MS4A2: variants seen among roughly 807,000 people sequenced by gnomAD.
The protein encoded by MS4A2 is high affinity immunoglobulin epsilon receptor subunit beta.
Under a neutral mutation model 27.9 loss-of-function variants are expected in MS4A2, and 26 were observed. That is an observed-to-expected ratio of 0.93 (90% confidence interval 0.68 to 1.29). The LOEUF (loss-of-function observed/expected upper bound fraction) is 1.29. Ranked by LOEUF, MS4A2 falls within the 50% of genes most tolerant of loss-of-function variation. The pLI, the probability that MS4A2 is intolerant of heterozygous loss-of-function variation, is 0.00. For synonymous variants in MS4A2, 110 were observed against 98.8 expected (o/e 1.11, Z -0.67); for missense variants, 284 against 284.6 (o/e 1.00, Z 0.01).
intron 3 of MS4A2, among the ~76,000 whole-genome samples, chr11:60,092,353 T>C (rs1246195018): frequency 6.6e-6 from 1 of 151,054 alleles, no homozygotes; most frequent in Admixed American, 6.6e-5. Context: ...TGGAGTGCAA[T>C]GGCATGATCT....
chr11:60,091,414 T>C (rs760067676), intron 3 of MS4A2, among the ~76,000 whole-genome samples: 3 of 152,216 alleles, frequency 2.0e-5, no homozygotes, highest in Non-Finnish European at 4.4e-5. Flanking sequence ...GATGTACAAT[T>C]TGCTAACCTT....
At position 60,089,702 on chromosome 11, in the gene MS4A2, T is replaced by C. The variant is rs144184074; in HGVS notation, c.67T>C (p.Phe23Leu). The C allele has an allele frequency of 6.4e-5, 103 of 1,614,186 alleles. No individual in the cohort carries two copies. In the African/African-American group the frequency reaches 1.2e-3, roughly 18 times the overall value. Residue 23 changes from phenylalanine (F) to leucine (L), a missense_variant, in exon 2 of 7, where the codon TTT (phenylalanine) becomes CTT (leucine). Physicochemically the swap from Phe to Leu is conservative, Grantham distance 22. Coordinates refer to ENST00000278888, the MANE Select transcript of MS4A2 (RefSeq NM_000139.5). ...LPQEPSSVPAFEVLEISPQEV... is the reference protein window; with the variant it reads ...LPQEPSSVPALEVLEISPQEV... The stretch of plus-strand genomic sequence containing the variant: ...TTTTAAATTTCACAGTGTGCCTGCA[T>C]TTGAAGTCTTGGAAATATCTCCCCA...
At chr11:60,089,639 G>T (rs1855718927) in intron 1 of MS4A2, 53 bp from the exon 2 acceptor site, 1 of 1,611,254 alleles carries the variant, frequency 6.2e-7, no homozygotes, top group Non-Finnish European at 8.5e-7. Flanking sequence ...CGAGAATGTT[G>T]CACAGGGAGT....
Position 60,093,383 on chromosome 11 carries a change from T to A in MS4A2, c.379-17T>A. The A allele has an allele frequency of 6.2e-7, 1 of 1,614,120 alleles. No individual in the cohort carries two copies. Among genetic ancestry groups the A allele is most frequent in the East Asian group, 2.2e-5 (1 of 44,868 alleles). On this transcript the variant is annotated splice_polypyrimidine_tract_variant and intron_variant, in intron 4 of 6. Transcript: ENST00000278888. ...GCAAGTGCAGGCCCAGGTCTGAGTG[T>A]TCTTCATTATTATCAGGTGAGAGGA...
rs1307354470 is a variant in MS4A2, at chr11:60,096,374, G to A, written c.*718G>A. On this transcript the variant is annotated 3_prime_UTR_variant, in exon 7 of 7. Coordinates refer to ENST00000278888, the MANE Select transcript of MS4A2 (RefSeq NM_000139.5). ...GAGATTAACATTTCACAAATGTTTA[G>A]TGAAACATTTGTGAAAAAAGAAGAC... The A allele has an allele frequency of 6.6e-6, 1 of 152,102 alleles. No homozygotes were observed. The highest frequency in any genetic ancestry group is 1.5e-5 in the Non-Finnish European group (1 of 68,032). 9.4% of individuals were successfully genotyped at this position (152,102 alleles called of 1,614,324 possible). A position where few individuals can be genotyped will look rare whatever the true frequency, so the allele number is the denominator to read the frequency against.
chr11:60,088,475 C>T (rs1010859903), upstream of MS4A2: 1 of 456,250 alleles, frequency 2.2e-6, no homozygotes, highest in African/African-American at 2.0e-5. Context: ...TTCTGTAAAT[C>T]CTGCTAGTCT....
chr11:60,095,488 T>C, intron 6 of MS4A2, 70 bp from the exon 7 acceptor site: 2 of 919,830 alleles, frequency 2.2e-6, no homozygotes, highest in Non-Finnish European at 3.6e-6. Context: ...ATGAGGTAAG[T>C]CTCTTGAGCG....
chr11:60,088,619 T>A, upstream of MS4A2: 1 of 1,495,730 alleles, frequency 6.7e-7, no homozygotes, highest in Non-Finnish European at 8.9e-7. Context: ...CTTATCTGTC[T>A]GGCAAATGAC....
intron 4 of MS4A2, among the ~76,000 whole-genome samples, chr11:60,093,059 T>C (rs1267031852): frequency 2.0e-5 from 3 of 152,190 alleles, no homozygotes; most frequent in Non-Finnish European, 4.4e-5. Context: ...TAACATACAA[T>C]GAAGTTTATG....
rs370965391 is a variant in MS4A2, at chr11:60,090,243, G to A, written c.187-93G>A. ...TCTCAGGACAGTCTAGGACACTAAC[G>A]CAGTTTCTCATGTTTGGCTTCTATT... On this transcript the variant is annotated intron_variant, in intron 2 of 6. Transcript: ENST00000278888. 1.7e-4 allele frequency: 213 copies of A among 1,254,544 alleles called. 1 individual carries two copies. The African/African-American group carries it at 2.1e-3, about 12-fold the overall frequency. The allele number at this position is 1,254,544 out of a possible 1,614,324, so 77.7% of individuals were successfully genotyped here.
chr11:60,092,549 G>A (rs1855783861), intron 3 of MS4A2, among the ~76,000 whole-genome samples: 1 of 152,102 alleles, frequency 6.6e-6, no homozygotes, highest in African/African-American at 2.4e-5. Context: ...CCCCGCCTCG[G>A]CTTCCCAAAG....
Position 60,088,724 on chromosome 11 carries a change from T to G in MS4A2, c.-42T>G. The G allele has an allele frequency of 6.3e-7, 1 of 1,593,272 alleles. No homozygotes were observed. On this transcript the variant is annotated 5_prime_UTR_variant, in exon 1 of 7. Transcript: ENST00000278888. ...AGAGGAAATCCACCAAGTCTCAATA[T>G]AATAATATTCTTTATTCCTGGACAG...
intron 1 of MS4A2, among the ~76,000 whole-genome samples, chr11:60,089,307 G>A (rs552791164): frequency 1.8e-4 from 28 of 152,284 alleles, no homozygotes; most frequent in Middle Eastern, 3.4e-3. Context: ...ACATGAAGTT[G>A]GGGTTTGTTA....
rs943559151 is a variant in MS4A2 at position 60,097,449 on chromosome 11, A to T, written c.*1793A>T. ...GTGCTGAGAAATTCCACACATGAGT[A>T]TTGTGATGAGTAAATGAATAAAACA... is the stretch of plus-strand genomic sequence containing the variant. On this transcript the variant is annotated 3_prime_UTR_variant, in exon 7 of 7. Coordinates refer to ENST00000278888, the MANE Select transcript of MS4A2 (RefSeq NM_000139.5). 2.6e-5 allele frequency: 4 copies of T among 152,262 alleles called. No homozygotes were observed. Among genetic ancestry groups the T allele is most frequent in the African/African-American group, 9.6e-5 (4 of 41,478 alleles). 9.4% of individuals were successfully genotyped at this position (152,262 alleles called of 1,614,324 possible).
At chr11:60,088,465 T>C (rs957690151), upstream of MS4A2, 11 of 377,326 alleles carry the variant, frequency 2.9e-5, no homozygotes, top group African/African-American at 4.3e-5. Flanking sequence ...CATTTTCAGG[T>C]TCTGTAAATC....
In MS4A2 at chr11:60,088,664, A is replaced by G. The variant is rs1199028095; in HGVS notation, c.-102A>G. ...AAGAGAATCATCAATGTCATGAGGT[A>G]ACCCATTTCAACTGCCTATTCAGAG... On this transcript the variant is annotated 5_prime_UTR_variant, in exon 1 of 7. Transcript: ENST00000278888. The G allele has an allele frequency of 5.2e-6, 8 of 1,549,306 alleles. No individual in the cohort carries two copies. Among genetic ancestry groups the G allele is most frequent in the Middle Eastern group, 2.0e-4 (1 of 5,012 alleles).
Position 60,092,761 on chromosome 11 carries a change from T to C in MS4A2, c.322-31T>C, listed in dbSNP as rs755727892. On this transcript the variant is annotated intron_variant, in intron 3 of 6. Transcript: ENST00000278888. ...GGACACATTGAAAACAAGAAACTCA[T>C]TGTGGCTTTTTTTTCCTCCTTTTTG... The C allele has an allele frequency of 1.9e-6, 3 of 1,600,880 alleles. No individual in the cohort carries two copies. The African/African-American group carries it at 4.0e-5, about 21-fold the overall frequency.
intron 1 of MS4A2, among the ~76,000 whole-genome samples, chr11:60,089,467 G>T (rs12293900): frequency 6.6e-6 from 1 of 152,152 alleles, no homozygotes; most frequent in African/African-American, 2.4e-5. Flanking sequence ...AATTTGGCAT[G>T]GATTTTGCTC....
chr11:60,094,403 G>C, intron 6 of MS4A2, among the ~76,000 whole-genome samples: 1 of 152,292 alleles, frequency 6.6e-6, no homozygotes, highest in East Asian at 1.9e-4. Context: ...AGAAGTAGCC[G>C]CCTATTCCTG....
Sources: allele counts gnomAD v4.1 joint callset (sites outside exome capture counted in the v4.1 genomes callset), GRCh38; gene constraint gnomAD v4.1.1; transcripts MANE v1.5; gene names NCBI Gene and HGNC (gene_info 2026-07-23, HGNC 2026-07-21).